The following MGAT4C variants were observed in gnomAD, a reference collection of about 807,000 sequenced individuals.
MGAT4C encodes the protein alpha-1,3-mannosyl-glycoprotein 4-beta-N-acetylglucosaminyltransferase C.
A neutral mutation model predicts 40.1 loss-of-function variants in MGAT4C; 19 were observed. That is an observed-to-expected ratio of 0.47 (90% CI 0.33 to 0.70). The LOEUF (loss-of-function observed/expected upper bound fraction) is 0.70. Among genes scored for constraint, MGAT4C ranks in the 30% least tolerant of loss-of-function variants. The pLI is 0.02. For missense variants in MGAT4C, 491 were observed against 563.2 expected (o/e 0.87, Z 1.30); for synonymous variants, 181 against 187.1 (o/e 0.97, Z 0.27).
At chr12:86,097,262 C>A (rs75276292) in intron 1 of MGAT4C, among the ~76,000 whole-genome samples, 83 of 151,572 alleles carry the variant, frequency 5.5e-4, no homozygotes, top group African/African-American at 2.0e-3. Context: ...ATTGCAAGAA[C>A]CATTGATAAG....
intron 3 of MGAT4C, among the ~76,000 whole-genome samples, chr12:86,340,034 A>C (rs767146828): frequency 2.0e-5 from 3 of 152,156 alleles, no homozygotes; most frequent in Non-Finnish European, 4.4e-5. Flanking sequence ...TGAACATTGA[A>C]TATATTAATA....
At chr12:86,577,029 CT>C (rs1960589982) in intron 2 of MGAT4C, among the ~76,000 whole-genome samples, 1 of 151,590 alleles carries the variant, frequency 6.6e-6, no homozygotes, top group Admixed American at 6.6e-5. Context: ...TAGAGCTCTT[CT>C]TTTGTTATGT....
chr12:86,703,594 G>T (rs901473978), intron 2 of MGAT4C, among the ~76,000 whole-genome samples: 9 of 152,008 alleles, frequency 5.9e-5, no homozygotes, highest in African/African-American at 1.9e-4. Context: ...TAGGTATATT[G>T]GTTTTTTAAA....
rs1883535498 is a variant in MGAT4C at position 85,969,843 on chromosome 12, T to C, written c.*9446A>G. 1.3e-5 allele frequency: 2 copies of C among 151,424 alleles called. No individual in the cohort carries two copies. The highest frequency in any genetic ancestry group is 4.1e-4 in the South Asian group (2 of 4,832). The allele number at this position is 151,424 out of a possible 1,614,324, so 9.4% of individuals were successfully genotyped here. A position where few individuals can be genotyped will look rare whatever the true frequency, so the allele number is the denominator to read the frequency against. Reference sequence around the variant, plus strand: ...GTAAAACCCTATTTTTCATATGCTCTTTAGCTTTTTTAATACCTCTTACCT... The same window carrying C: ...GTAAAACCCTATTTTTCATATGCTCCTTAGCTTTTTTAATACCTCTTACCT... On this transcript the variant is annotated 3_prime_UTR_variant, in exon 5 of 5. Coordinates refer to ENST00000611864, the MANE Select transcript of MGAT4C (RefSeq NM_001351288.2).
At chr12:86,017,548 T>A (rs1889221235) in intron 2 of MGAT4C, among the ~76,000 whole-genome samples, 1 of 152,138 alleles carries the variant, frequency 6.6e-6, no homozygotes, top group African/African-American at 2.4e-5. Context: ...TAAGTAAACA[T>A]CTTTAAAGAT....
Position 86,814,285 on chromosome 12 carries a change from CATATATAT to C in MGAT4C, c.-262+24373_-262+24380del, listed in dbSNP as rs1177408893. Among the ~76,000 whole-genome samples the C allele has an allele frequency of 1.9e-3, 77 of 40,508 alleles. 1 individual carries two copies. Among genetic ancestry groups the C allele is most frequent in the African/African-American group, 6.2e-3 (65 of 10,418 alleles). The allele number at this position is 40,508 out of a possible 152,430, so 26.6% of individuals were successfully genotyped here. On this transcript the variant is annotated intron_variant, in intron 1 of 7. Transcript: ENST00000548651. ...ATATATACATATACGTATATATATACATATATATACATATACGTATATATATACGTATA... is the reference window on the plus strand; with the variant it reads ...ATATATACATATACGTATATATATACACATATACGTATATATATACGTATA...
At chr12:86,277,678 C>T (rs1392713549) in intron 4 of MGAT4C, among the ~76,000 whole-genome samples, 1 of 152,180 alleles carries the variant, frequency 6.6e-6, no homozygotes, top group Non-Finnish European at 1.5e-5. Flanking sequence ...GTGTTCTTGG[C>T]ACCTTTGTTG....
Position 85,957,124 on chromosome 12 carries a change from C to T in MGAT4C, c.*22165G>A, listed in dbSNP as rs906361453. Reference sequence around the variant, plus strand: ...TTATCTATATTTCCTCATAGCAGCTCCTCTTAAAGACTGTTAGTCAGAACT... The same window carrying T: ...TTATCTATATTTCCTCATAGCAGCTTCTCTTAAAGACTGTTAGTCAGAACT... On this transcript the variant is annotated 3_prime_UTR_variant, in exon 5 of 5. Transcript: ENST00000611864. 1.3e-5 allele frequency: 2 copies of T among 152,038 alleles called. No homozygotes were observed. The highest frequency in any genetic ancestry group is 4.8e-5 in the African/African-American group (2 of 41,378). The allele number at this position is 152,038 out of a possible 1,614,324, so 9.4% of individuals were successfully genotyped here. A position where few individuals can be genotyped will look rare whatever the true frequency, so the allele number is the denominator to read the frequency against.
intron 3 of MGAT4C, among the ~76,000 whole-genome samples, chr12:86,356,159 G>T (rs1452135579): frequency 6.6e-6 from 1 of 151,874 alleles, no homozygotes; most frequent in African/African-American, 2.4e-5. Context: ...AAATTTAAAT[G>T]GATTAATATA....
chr12:86,405,359 C>A (rs545934967), intron 3 of MGAT4C, among the ~76,000 whole-genome samples: 148 of 151,734 alleles, frequency 9.8e-4, no homozygotes, highest in African/African-American at 3.4e-3. Flanking sequence ...CTAGTGGACA[C>A]CAAAACTAAA....
intron 2 of MGAT4C, among the ~76,000 whole-genome samples, chr12:86,488,029 T>A (rs1407497244): frequency 6.6e-6 from 1 of 152,082 alleles, no homozygotes; most frequent in East Asian, 1.9e-4. Flanking sequence ...AGATATAGAT[T>A]AAGAAAGGTA....
At chr12:86,301,625 C>T (rs1263205423) in intron 4 of MGAT4C, among the ~76,000 whole-genome samples, 1 of 152,062 alleles carries the variant, frequency 6.6e-6, no homozygotes, top group Non-Finnish European at 1.5e-5. Context: ...GACAAATTAT[C>T]CTCTATTTTC....
chr12:86,773,777 G>T (rs556255039), intron 1 of MGAT4C, among the ~76,000 whole-genome samples: 1 of 151,652 alleles, frequency 6.6e-6, no homozygotes, highest in East Asian at 1.9e-4. Flanking sequence ...GCTCTTTCAT[G>T]GAAAGGATTT....
At chr12:86,595,301 T>A (rs2136453213) in intron 2 of MGAT4C, among the ~76,000 whole-genome samples, 1 of 152,196 alleles carries the variant, frequency 6.6e-6, no homozygotes, top group African/African-American at 2.4e-5. Context: ...CCCAGCACTT[T>A]GGGAGGATAA....
chr12:86,592,635 T>C (rs1961377260), intron 2 of MGAT4C, among the ~76,000 whole-genome samples: 2 of 152,116 alleles, frequency 1.3e-5, no homozygotes, highest in Admixed American at 1.3e-4. Flanking sequence ...CAGCTTTAGC[T>C]AGGTGTATGT....
rs76439904 is a variant in MGAT4C at position 86,189,929 on chromosome 12, C to A, written c.-57+66310G>T. Among the ~76,000 whole-genome samples, 838 of 152,064 alleles carry A rather than the reference C, an allele frequency of 5.5e-3. 5 individuals carry two copies. The highest frequency in any genetic ancestry group is 0.014 in the Middle Eastern group (4 of 294). On this transcript the variant is annotated intron_variant, in intron 1 of 4. Coordinates refer to ENST00000611864, the MANE Select transcript of MGAT4C (RefSeq NM_001351288.2). ...TAATTCTCAAAAGGATCTCAGCACC[C>A]CCTTGTTCATATTTATGCAATTAAC...
At chr12:86,255,083 T>C (rs1253108776) in intron 1 of MGAT4C, among the ~76,000 whole-genome samples, 1 of 151,970 alleles carries the variant, frequency 6.6e-6, no homozygotes, top group Non-Finnish European at 1.5e-5. Context: ...ACAGTAAAAA[T>C]AAATCTAAAA....
At chr12:86,502,085 T>G (rs1044596387) in intron 2 of MGAT4C, among the ~76,000 whole-genome samples, 1 of 152,108 alleles carries the variant, frequency 6.6e-6, no homozygotes, top group Non-Finnish European at 1.5e-5. Context: ...CAACAAGATG[T>G]CCTTCAAAAG....
intron 2 of MGAT4C, among the ~76,000 whole-genome samples, chr12:86,566,414 T>C (rs2136415429): frequency 1.3e-5 from 2 of 150,944 alleles, no homozygotes; most frequent in East Asian, 2.0e-4. Flanking sequence ...CCTTGAACAT[T>C]GGACTCCAAG....
Sources: gnomAD v4.1 joint callset for allele counts (sites outside exome capture counted in the v4.1 genomes callset) on GRCh38, gnomAD v4.1.1 for gene constraint, MANE v1.5 for transcripts, NCBI Gene and HGNC (gene_info 2026-07-23, HGNC 2026-07-21) for gene names.